The following ACER1 variants were observed in gnomAD, a reference collection of about 807,000 sequenced individuals.
ACER1 encodes the protein CTB-180A7.3.
ACER1 carries 28 observed loss-of-function variants against 24.9 expected under a neutral mutation model. The ratio of observed to expected loss-of-function variants is 1.13; its 90% CI spans 0.83 to 1.54. The LOEUF (loss-of-function observed/expected upper bound fraction) is 1.54, where lower values mean the gene tolerates loss of function less well. Among genes scored for constraint, ACER1 ranks in the 40% most tolerant of loss-of-function variants. The probability of loss-of-function intolerance (pLI) is 0.00; values close to 1 mark genes in which losing one functional copy is unlikely to be tolerated. For synonymous variants in ACER1, 132 were observed against 131.4 expected, an observed-to-expected ratio of 1.00 and a Z score of -0.03; for missense variants, 352 against 349.3, an observed-to-expected ratio of 1.01 and a Z score of -0.06.
At chr19:6,336,860 T>G (rs1203145865), upstream of ACER1, among the ~76,000 whole-genome samples, 13 of 139,700 alleles carry the variant, frequency 9.3e-5, no homozygotes, top group African/African-American at 3.5e-4. Flanking sequence ...TAAATTGTGG[T>G]GCTATGTTGC....
At chr19:6,356,289 T>A in the ACER1 span, among the ~76,000 whole-genome samples, 1 of 147,772 alleles carries the variant, frequency 6.8e-6, no homozygotes, top group African/African-American at 2.6e-5. Context: ...TGGTTAAGAG[T>A]CATCACCACT....
At chr19:6,312,632 T>C (rs1171417758) in intron 1 of ACER1, 133 bp from the exon 2 acceptor site, 2 of 663,644 alleles carry the variant, frequency 3.0e-6, no homozygotes, top group Non-Finnish European at 5.3e-6. Context: ...ACCCAGGATT[T>C]GTCAATCACT....
chr19:6,306,876 C>T lies in ACER1; in HGVS notation c.633G>A (p.Val211=). ...HFFYLHSIWH[V]LISITFPYGM... ...CATAAGGGAAGGTGATGCTGATGAG[C>T]ACATGCCTGTGGAGTGCAGGGCGAA... Residue 211 remains valine, a synonymous_variant, in exon 6 of 6, where the codon GTG becomes GTA. Coordinates refer to ENST00000301452, the MANE Select transcript of ACER1 (RefSeq NM_133492.3). 1.2e-6 allele frequency: 2 copies of T among 1,612,940 alleles called. No individual in the cohort carries two copies. The highest frequency in any genetic ancestry group is 1.7e-6 in the Non-Finnish European group (2 of 1,179,270).
At position 6,312,159 on chromosome 19, in the gene ACER1, C is replaced by A; in HGVS notation, c.340G>T (p.Gly114Trp). The A allele has an allele frequency of 6.2e-7, 1 of 1,613,730 alleles. No homozygotes were observed. The highest frequency in any genetic ancestry group is 8.5e-7 in the Non-Finnish European group (1 of 1,179,902). The change falls in exon 3 of 6, where the codon GGG (glycine) becomes TGG (tryptophan). Residue 114 changes from glycine to tryptophan, a missense_variant. Coordinates refer to ENST00000301452, the MANE Select transcript of ACER1 (RefSeq NM_133492.3). ...MPRCYFPSFL[G>W]GNRSQFIRLV... is the part of the protein sequence containing the mutation. ...CAGCCCCTGACCCACCTGTTCCCCC[C>A]AAGGAAGGAGGGGAAATAGCAGCGG...
At chr19:6,314,469 C>CA (rs760683029) in intron 1 of ACER1, among the ~76,000 whole-genome samples, 7,183 of 90,840 alleles carry the variant, frequency 0.079, 568 homozygotes, top group African/African-American at 0.23. Context: ...GACTTCACCT[C>CA]AAAAAAAAAA....
chr19:6,340,357 AAGGAAGGAAG>A, the ACER1 span, among the ~76,000 whole-genome samples: 2 of 112,778 alleles, frequency 1.8e-5, no homozygotes, highest in Admixed American at 1.9e-4. Context: ...GGAAGGAAGG[AAGGAAGGAAG>A]GAAGGAAGAA....
At chr19:6,355,740 G>A in the ACER1 span, among the ~76,000 whole-genome samples, 1 of 141,202 alleles carries the variant, frequency 7.1e-6, no homozygotes, top group Non-Finnish European at 1.5e-5. Flanking sequence ...CCCCGTCCAG[G>A]AGGGAGGTGG....
the ACER1 span, among the ~76,000 whole-genome samples, chr19:6,347,320 A>G: frequency 6.7e-6 from 1 of 149,170 alleles, no homozygotes; most frequent in African/African-American, 2.5e-5. Flanking sequence ...TCCTGGGTTC[A>G]AGCCATCCTC....
chr19:6,339,224 C>A, the ACER1 span, among the ~76,000 whole-genome samples: 2 of 152,092 alleles, frequency 1.3e-5, no homozygotes, highest in Non-Finnish European at 1.5e-5. Context: ...TTAATTAATA[C>A]ATGAATGGAT....
rs570525591 is a variant in ACER1, at chr19:6,330,664, C to T, written c.93+2795G>A. On this transcript the variant is annotated intron_variant, in intron 1 of 5. Coordinates refer to ENST00000301452, the MANE Select transcript of ACER1 (RefSeq NM_133492.3). ...CTGGGTGCAGGATGAAAACAGAACA[C>T]TGGACCACAGTGGCTGCTGGGGATT... Among the ~76,000 whole-genome samples the T allele has an allele frequency of 5.3e-5, 8 of 149,552 alleles. No individual in the cohort carries two copies. In the South Asian group the frequency reaches 1.7e-3, roughly 31 times the overall value.
At chr19:6,345,667 C>A in the ACER1 span, among the ~76,000 whole-genome samples, 3 of 150,344 alleles carry the variant, frequency 2.0e-5, no homozygotes, top group African/African-American at 7.4e-5. Flanking sequence ...TGGGTTCAAG[C>A]GATTCTCTTG....
At chr19:6,358,651 T>C in the ACER1 span, among the ~76,000 whole-genome samples, 1 of 142,644 alleles carries the variant, frequency 7.0e-6, no homozygotes, top group Non-Finnish European at 1.5e-5. Flanking sequence ...AAGAGTCCAG[T>C]GGCCGGGCGC....
chr19:6,340,660 G>A, the ACER1 span, among the ~76,000 whole-genome samples: 4 of 152,122 alleles, frequency 2.6e-5, no homozygotes, highest in South Asian at 4.1e-4. Context: ...GAATCTTGGC[G>A]AGGGTTTAAT....
chr19:6,352,106 G>A, the ACER1 span, among the ~76,000 whole-genome samples: 1 of 151,772 alleles, frequency 6.6e-6, no homozygotes, highest in Non-Finnish European at 1.5e-5. Flanking sequence ...CTCTTACAAG[G>A]CATTTATTTG....
intron 1 of ACER1, among the ~76,000 whole-genome samples, chr19:6,331,391 C>T (rs1257508059): frequency 1.3e-5 from 2 of 148,282 alleles, no homozygotes; most frequent in Admixed American, 1.3e-4. Flanking sequence ...CCTCATGATC[C>T]ACCCCCCTCG....
the ACER1 span, among the ~76,000 whole-genome samples, chr19:6,338,930 T>G: frequency 2.7e-5 from 4 of 147,252 alleles, no homozygotes; most frequent in Non-Finnish European, 5.9e-5. Context: ...CAGGCTAGAG[T>G]GCAATGGTGC....
At chr19:6,354,030 A>C in the ACER1 span, among the ~76,000 whole-genome samples, 2 of 151,182 alleles carry the variant, frequency 1.3e-5, no homozygotes, top group African/African-American at 4.9e-5. Flanking sequence ...AAAAATACAA[A>C]AATTAGCCAG....
chr19:6,346,461 T>TCCC, the ACER1 span, among the ~76,000 whole-genome samples: 1 of 151,358 alleles, frequency 6.6e-6, no homozygotes, highest in East Asian at 1.9e-4. Flanking sequence ...CTCCTCCTCC[T>TCCC]CCCCCTCCTC....
chr19:6,349,634 C>T, the ACER1 span, among the ~76,000 whole-genome samples: 1 of 152,244 alleles, frequency 6.6e-6, no homozygotes, highest in Non-Finnish European at 1.5e-5. Flanking sequence ...AGCCAGTGAG[C>T]CCCATCAGAG....
Sources: gnomAD v4.1 joint callset for allele counts (sites outside exome capture counted in the v4.1 genomes callset) on GRCh38, gnomAD v4.1.1 for gene constraint, MANE v1.5 for transcripts, NCBI Gene and HGNC (gene_info 2026-07-23, HGNC 2026-07-21) for gene names.